SLC6A20: variants seen among roughly 807,000 people sequenced by gnomAD.
The protein encoded by SLC6A20 is solute carrier family 6 member 20, also known as sodium- and chloride-dependent transporter XTRP3.
In SLC6A20, 73 loss-of-function variants were observed where a neutral mutation model predicts 64.3. The observed-to-expected ratio is 1.14, with a 90% CI of 0.94 to 1.38. SLC6A20 has a LOEUF of 1.38. Among genes scored for constraint, SLC6A20 ranks in the 40% most tolerant of loss-of-function variants. The probability of loss-of-function intolerance (pLI) is 0.00; values close to 1 mark genes in which losing one functional copy is unlikely to be tolerated. For missense variants in SLC6A20, 725 were observed against 772.8 expected (o/e 0.94, Z 0.73); for synonymous variants, 347 against 329.6 (o/e 1.05, Z -0.57).
chr3:45,771,651 C>G, intron 5 of SLC6A20, 193 bp from the exon 6 acceptor site: 1 of 799,730 alleles, frequency 1.3e-6, no homozygotes, highest in Non-Finnish European at 1.9e-6. Flanking sequence ...ACACCTCAAG[C>G]TGCACACCTC....
chr3:45,771,623 C>T, intron 5 of SLC6A20, 165 bp from the exon 6 acceptor site: 1 of 1,084,614 alleles, frequency 9.2e-7, no homozygotes, highest in Non-Finnish European at 1.3e-6. Flanking sequence ...CCCATCCACT[C>T]CCTGGCAGAT....
chr3:45,796,470 T>G lies in SLC6A20; in HGVS notation c.-51A>C. On this transcript the variant is annotated 5_prime_UTR_variant, in exon 1 of 11. Transcript: ENST00000358525. Reference sequence around the variant, plus strand: ...CCGGCTCGGGGGTCCGGCACGGCAGTCTCAGTGCGCGGTCGCCAGGCGCGC... The same window carrying G: ...CCGGCTCGGGGGTCCGGCACGGCAGGCTCAGTGCGCGGTCGCCAGGCGCGC... 1 of 1,568,292 alleles carries G rather than the reference T, an allele frequency of 6.4e-7. No individual in the cohort carries two copies. Among genetic ancestry groups the G allele is most frequent in the Non-Finnish European group, 8.6e-7 (1 of 1,157,444 alleles).
chr3:45,763,994 C>G (rs1457771032), intron 8 of SLC6A20, among the ~76,000 whole-genome samples: 1 of 152,198 alleles, frequency 6.6e-6, no homozygotes, highest in Non-Finnish European at 1.5e-5. Context: ...TGCTGCAGCA[C>G]TCTGAAGAGG....
intron 3 of SLC6A20, 65 bp from the exon 4 acceptor site, chr3:45,776,053 T>C: frequency 6.7e-7 from 1 of 1,494,356 alleles, no homozygotes; most frequent in Non-Finnish European, 9.3e-7. Flanking sequence ...GTGGCAGGGG[T>C]GAGGGAGGTG....
intron 3 of SLC6A20, among the ~76,000 whole-genome samples, chr3:45,778,964 T>A (rs896379983): frequency 2.0e-5 from 3 of 152,110 alleles, no homozygotes; most frequent in Non-Finnish European, 4.4e-5. Flanking sequence ...GAAGCCAGAG[T>A]GGGGTATGCC....
intron 8 of SLC6A20, among the ~76,000 whole-genome samples, chr3:45,764,335 G>C (rs1371462022): frequency 6.6e-6 from 1 of 152,240 alleles, no homozygotes; most frequent in Non-Finnish European, 1.5e-5. Flanking sequence ...AACATGAGTG[G>C]ATCTCACAGG....
chr3:45,762,386 C>T (rs888198024), intron 9 of SLC6A20, among the ~76,000 whole-genome samples: 8 of 152,244 alleles, frequency 5.3e-5, no homozygotes, highest in African/African-American at 1.2e-4. Context: ...GAGGCACACT[C>T]GAGTTTGAAG....
intron 1 of SLC6A20, among the ~76,000 whole-genome samples, chr3:45,783,781 C>T (rs538270844): frequency 4.3e-4 from 65 of 152,370 alleles, no homozygotes; most frequent in Middle Eastern, 6.8e-3. Flanking sequence ...CTTCATCCTG[C>T]TCATGTGGGG....
intron 1 of SLC6A20, among the ~76,000 whole-genome samples, chr3:45,783,648 C>G (rs1700131700): frequency 6.6e-6 from 1 of 152,224 alleles, no homozygotes; most frequent in South Asian, 2.1e-4. Context: ...GATACAAATC[C>G]CAGAAGTGGA....
At chr3:45,794,405 C>T (rs2125660375) in intron 1 of SLC6A20, among the ~76,000 whole-genome samples, 1 of 151,880 alleles carries the variant, frequency 6.6e-6, no homozygotes, top group African/African-American at 2.4e-5. Context: ...ATCCACCAGA[C>T]CCACACCCTC....
At chr3:45,763,197 G>T in intron 8 of SLC6A20, 125 bp from the exon 9 acceptor site, 1 of 1,386,840 alleles carries the variant, frequency 7.2e-7, no homozygotes, top group Non-Finnish European at 9.9e-7. Context: ...ATCCACATGG[G>T]TTGAAAGAGC....
intron 9 of SLC6A20, 101 bp downstream of exon 9, chr3:45,762,812 A>G (rs1699706234): frequency 6.9e-7 from 1 of 1,457,014 alleles, no homozygotes; most frequent in African/African-American, 1.4e-5. Flanking sequence ...AGCTTAAAGA[A>G]GAGGTGAAGA....
At chr3:45,776,089 G>A (rs1699962851) in intron 3 of SLC6A20, 101 bp from the exon 4 acceptor site, 2 of 1,153,962 alleles carry the variant, frequency 1.7e-6, no homozygotes, top group Admixed American at 1.9e-5. Context: ...TCTTGGAAGA[G>A]AAGGGTGCTG....
At chr3:45,793,020 G>A (rs1700282683) in intron 1 of SLC6A20, among the ~76,000 whole-genome samples, 1 of 152,190 alleles carries the variant, frequency 6.6e-6, no homozygotes, top group Non-Finnish European at 1.5e-5. Flanking sequence ...CTGGAAGTGG[G>A]GTCTAGCAAC....
intron 10 of SLC6A20, among the ~76,000 whole-genome samples, chr3:45,759,608 G>A (rs1699626590): frequency 1.3e-5 from 2 of 152,196 alleles, no homozygotes; most frequent in South Asian, 2.1e-4. Context: ...CTCAGCTTCC[G>A]GGGGACAGGT....
intron 4 of SLC6A20, among the ~76,000 whole-genome samples, chr3:45,775,399 C>T (rs1285355472): frequency 6.6e-6 from 1 of 151,952 alleles, no homozygotes; most frequent in African/African-American, 2.4e-5. Flanking sequence ...AGTTGGAGAG[C>T]CAGTGGCTAG....
At position 45,765,801 on chromosome 3, in the gene SLC6A20, A is replaced by G; in HGVS notation, c.1099-60T>C. ...GAGGGACTTATAGTCTTATTCACGC[A>G]CTCAGTACTAAGCAACATGGGGGAC... is the stretch of plus-strand genomic sequence containing the variant. On this transcript the variant is annotated intron_variant, in intron 7 of 10. Coordinates refer to ENST00000358525, the MANE Select transcript of SLC6A20 (RefSeq NM_020208.4). This position sits in a 1 kb window ranked among gnomAD's most constrained non-coding sequence, Gnocchi z 4.2. 6.3e-7 allele frequency: 1 copy of G among 1,583,012 alleles called. No homozygotes were observed. The highest frequency in any genetic ancestry group is 1.1e-5 in the South Asian group (1 of 89,760).
intron 4 of SLC6A20, among the ~76,000 whole-genome samples, chr3:45,774,556 G>C (rs1264480268): frequency 1.3e-5 from 2 of 152,196 alleles, no homozygotes; most frequent in Non-Finnish European, 2.9e-5. Context: ...CTAAGAGGCT[G>C]GTCATCAGGG....
Position 45,796,396 on chromosome 3 carries a change from C to T in SLC6A20, c.24G>A (p.Trp8Ter). The T allele has an allele frequency of 1.2e-6, 2 of 1,612,558 alleles. No individual in the cohort carries two copies. Among genetic ancestry groups the T allele is most frequent in the Non-Finnish European group, 1.7e-6 (2 of 1,179,564 alleles). MEKARPL[W>*]ANSLQFVFAC... is the part of the protein sequence containing the mutation. ...CGAACACGAACTGTAGCGAGTTGGC[C>T]CACAGCGGCCGCGCTTTCTCCATGG... is the stretch of plus-strand genomic sequence containing the variant. Residue 8 changes from tryptophan (W) to a stop codon, truncating the protein, a stop_gained, in exon 1 of 11, where the codon TGG becomes TGA. Coordinates refer to ENST00000358525, the MANE Select transcript of SLC6A20 (RefSeq NM_020208.4). LOFTEE classifies it high-confidence loss of function.
Sources: allele counts gnomAD v4.1 joint callset (sites outside exome capture counted in the v4.1 genomes callset), GRCh38; gene constraint gnomAD v4.1.1; non-coding constraint Gnocchi (gnomAD v3.1); transcripts MANE v1.5; gene names NCBI Gene and HGNC (gene_info 2026-07-23, HGNC 2026-07-21).